The following OLFM2 variants were observed in gnomAD, a reference collection of about 807,000 sequenced individuals.
OLFM2 encodes the protein noelin-2.
OLFM2 carries 20 observed loss-of-function variants against 43.9 expected under a neutral mutation model. The observed-to-expected ratio is 0.46, with a 90% confidence interval of 0.32 to 0.66. The LOEUF is 0.66. Among genes scored for constraint, OLFM2 ranks in the 30% least tolerant of loss-of-function variants. OLFM2 has a pLI of 0.04. For missense variants in OLFM2, 416 were observed against 643.6 expected, an observed-to-expected ratio of 0.65 and a Z score of 3.83; for synonymous variants, 268 against 278.6, an observed-to-expected ratio of 0.96 and a Z score of 0.38.
chr19:9,857,222 C>T lies in OLFM2; in HGVS notation c.580+41G>A. On this transcript the variant is annotated intron_variant, in intron 4 of 5. Coordinates refer to ENST00000264833, the MANE Select transcript of OLFM2 (RefSeq NM_058164.4). The surrounding 1 kb of genome is among the most constrained non-coding windows in gnomAD (Gnocchi z 5.7). ...CAGGTGATACTGGAGTTGGGTGTGGCAGTCAGAGATCAGGGGTCAGGGTCA... is the reference window on the plus strand; with the variant it reads ...CAGGTGATACTGGAGTTGGGTGTGGTAGTCAGAGATCAGGGGTCAGGGTCA... 6.4e-7 allele frequency: 1 copy of T among 1,559,668 alleles called. No homozygotes were observed. Among genetic ancestry groups the T allele is most frequent in the Non-Finnish European group, 8.8e-7 (1 of 1,133,560 alleles).
At chr19:9,936,220 C>T in intron 1 of OLFM2, 84 bp downstream of exon 1, 1 of 1,453,540 alleles carries the variant, frequency 6.9e-7, no homozygotes, top group African/African-American at 1.4e-5. Context: ...GTGGAGCCTC[C>T]CAACCCCGTT....
intron 2 of OLFM2, chr19:9,858,246 C>T: frequency 5.7e-6 from 2 of 349,736 alleles, no homozygotes; most frequent in Admixed American, 3.9e-5. Context: ...CCGCCCAACC[C>T]ACTTCCTCTC....
Position 9,857,916 on chromosome 19 carries a change from G to A in OLFM2, c.214-55C>T. The A allele has an allele frequency of 6.2e-7, 1 of 1,609,888 alleles. No homozygotes were observed. The highest frequency in any genetic ancestry group is 8.5e-7 in the Non-Finnish European group (1 of 1,177,630). ...ACCTCCTTCCCCAAATCCCAACCCA[G>A]AGATGCCACAGACAAGAGCTGGCAG... On this transcript the variant is annotated intron_variant, in intron 2 of 5. Transcript: ENST00000264833. This position sits in a 1 kb window ranked among gnomAD's most constrained non-coding sequence, Gnocchi z 5.7.
chr19:9,872,838 A>G (rs953698336), intron 1 of OLFM2, among the ~76,000 whole-genome samples: 1 of 151,934 alleles, frequency 6.6e-6, no homozygotes, highest in Non-Finnish European at 1.5e-5. Flanking sequence ...TCATCCAACC[A>G]TCCATTTATA....
At chr19:9,902,477 G>C (rs1410507894) in intron 1 of OLFM2, among the ~76,000 whole-genome samples, 2 of 150,946 alleles carry the variant, frequency 1.3e-5, no homozygotes, top group Non-Finnish European at 2.9e-5. Context: ...CTGCCTTCTG[G>C]GTTCAAGCGA....
chr19:9,930,934 G>A (rs183792991), intron 1 of OLFM2, among the ~76,000 whole-genome samples: 3 of 151,950 alleles, frequency 2.0e-5, no homozygotes, highest in East Asian at 3.9e-4. Flanking sequence ...ACCCTGACCT[G>A]GGCACCCCCA....
intron 1 of OLFM2, 104 bp downstream of exon 1, chr19:9,936,200 G>T: frequency 8.0e-7 from 1 of 1,249,394 alleles, no homozygotes; most frequent in Non-Finnish European, 1.1e-6. Context: ...CCCTGCAGCT[G>T]GGGGGGCTTG....
At chr19:9,901,747 G>A (rs935779129) in intron 1 of OLFM2, among the ~76,000 whole-genome samples, 6 of 152,140 alleles carry the variant, frequency 3.9e-5, no homozygotes, top group African/African-American at 1.2e-4. Flanking sequence ...AGATGTGGAC[G>A]CCTGTGTTGT....
At chr19:9,884,432 C>T (rs188042328) in intron 1 of OLFM2, among the ~76,000 whole-genome samples, 2 of 152,126 alleles carry the variant, frequency 1.3e-5, no homozygotes, top group East Asian at 1.9e-4. Context: ...ATAAAATTAG[C>T]CGGGTGTGGT....
chr19:9,923,240 T>A (rs1358455020), intron 1 of OLFM2, among the ~76,000 whole-genome samples: 1 of 150,652 alleles, frequency 6.6e-6, no homozygotes, highest in East Asian at 1.9e-4. Flanking sequence ...ACAGTGATAA[T>A]TTTTTTTTTC....
intron 1 of OLFM2, among the ~76,000 whole-genome samples, chr19:9,898,530 A>AG (rs1022104212): frequency 6.6e-6 from 1 of 151,890 alleles, no homozygotes; most frequent in African/African-American, 2.4e-5. Flanking sequence ...AAAAAAAAAA[A>AG]AAATTTTTTT....
chr19:9,897,294 C>T (rs1053037745), intron 1 of OLFM2, among the ~76,000 whole-genome samples: 15 of 148,748 alleles, frequency 1.0e-4, no homozygotes, highest in Non-Finnish European at 2.1e-4. Flanking sequence ...CACCACTACA[C>T]TCTAGCCTGG....
intron 1 of OLFM2, among the ~76,000 whole-genome samples, chr19:9,871,825 C>A (rs2046445025): frequency 6.6e-6 from 1 of 152,182 alleles, no homozygotes; most frequent in African/African-American, 2.4e-5. Flanking sequence ...GCAAACAATT[C>A]ATCCGTGATC....
intron 1 of OLFM2, among the ~76,000 whole-genome samples, chr19:9,931,080 G>A (rs1039378187): frequency 2.6e-5 from 4 of 151,942 alleles, no homozygotes; most frequent in African/African-American, 7.3e-5. Flanking sequence ...CTTAAATCCA[G>A]CCCCAAGGGG....
chr19:9,902,980 T>G (rs527245165), intron 1 of OLFM2, among the ~76,000 whole-genome samples: 1 of 151,912 alleles, frequency 6.6e-6, no homozygotes, highest in Admixed American at 6.6e-5. Flanking sequence ...GCCCAGCTAA[T>G]TTTTGTACTT....
intron 1 of OLFM2, among the ~76,000 whole-genome samples, chr19:9,864,767 G>A: frequency 6.9e-6 from 1 of 145,280 alleles, no homozygotes; most frequent in Non-Finnish European, 1.5e-5. Context: ...GGGCCTACAG[G>A]CAGGTACCAA....
chr19:9,863,615 C>T (rs1162801780), intron 1 of OLFM2, among the ~76,000 whole-genome samples: 2 of 151,910 alleles, frequency 1.3e-5, no homozygotes, highest in African/African-American at 4.8e-5. Flanking sequence ...TTTGCACAGC[C>T]ATTACTAGAT....
intron 1 of OLFM2, among the ~76,000 whole-genome samples, chr19:9,914,528 C>T (rs925886785): frequency 1.1e-4 from 17 of 152,022 alleles, no homozygotes; most frequent in African/African-American, 4.1e-4. Flanking sequence ...CTACCAAGGG[C>T]AGTTTCCTAC....
At chr19:9,884,697 C>T (rs543489519) in intron 1 of OLFM2, among the ~76,000 whole-genome samples, 3 of 152,300 alleles carry the variant, frequency 2.0e-5, no homozygotes, top group Admixed American at 1.3e-4. Context: ...TTCCTGTGCA[C>T]ATCTCCACAG....
Sources: gnomAD v4.1 joint callset for allele counts (sites outside exome capture counted in the v4.1 genomes callset) on GRCh38, gnomAD v4.1.1 for gene constraint, Gnocchi (gnomAD v3.1) non-coding constraint, MANE v1.5 for transcripts, NCBI Gene and HGNC (gene_info 2026-07-23, HGNC 2026-07-21) for gene names.